Variants in SORCS2 observed in about 807,000 individuals in gnomAD.
The protein encoded by SORCS2 is sortilin related VPS10 domain containing receptor 2, also known as VPS10 domain-containing receptor SorCS2.
A neutral mutation model predicts 141.6 loss-of-function variants in SORCS2; 100 were observed. That is an observed-to-expected ratio of 0.71 (90% CI 0.60 to 0.83). SORCS2 has a LOEUF of 0.83. SORCS2 is among the 40% of genes least tolerant of loss of function. The pLI is 0.00. For synonymous variants in SORCS2, 789 were observed against 676.9 expected, an observed-to-expected ratio of 1.17 and a Z score of -2.57; for missense variants, 1,646 against 1,560.2, an observed-to-expected ratio of 1.05 and a Z score of -0.93.
chr4:7,352,442 G>C (rs1180456859), intron 1 of SORCS2, among the ~76,000 whole-genome samples: 1 of 152,208 alleles, frequency 6.6e-6, no homozygotes, highest in African/African-American at 2.4e-5. Flanking sequence ...CCAATCTCCT[G>C]GATGCCATTT....
At chr4:7,552,526 A>C (rs1302127106) in intron 3 of SORCS2, among the ~76,000 whole-genome samples, 1 of 151,848 alleles carries the variant, frequency 6.6e-6, no homozygotes, top group East Asian at 1.9e-4. Context: ...GCAGAGCATA[A>C]AATAAACAGC....
At chr4:7,267,408 G>A (rs748828903) in intron 1 of SORCS2, among the ~76,000 whole-genome samples, 3 of 152,130 alleles carry the variant, frequency 2.0e-5, no homozygotes, top group Admixed American at 6.5e-5. Flanking sequence ...CGAGTAGGGC[G>A]TCTATTTCCC....
At chr4:7,365,802 T>A (rs1423943759) in intron 1 of SORCS2, among the ~76,000 whole-genome samples, 2 of 152,156 alleles carry the variant, frequency 1.3e-5, no homozygotes, top group African/African-American at 2.4e-5. Flanking sequence ...TTGCTGAGCC[T>A]CCTTGAGAGA....
At chr4:7,372,669 C>T (rs910884715) in intron 1 of SORCS2, among the ~76,000 whole-genome samples, 5 of 152,186 alleles carry the variant, frequency 3.3e-5, no homozygotes, top group East Asian at 3.8e-4. Flanking sequence ...CACTCATGGA[C>T]GCAACACCAC....
intron 1 of SORCS2, among the ~76,000 whole-genome samples, chr4:7,332,670 T>TG (rs1231678057): frequency 1.3e-5 from 2 of 152,194 alleles, no homozygotes; most frequent in Admixed American, 6.5e-5. Context: ...TAGAGGCAGA[T>TG]GGGGAAGTCA....
chr4:7,446,359 C>T (rs537991195), intron 2 of SORCS2, among the ~76,000 whole-genome samples: 38 of 152,288 alleles, frequency 2.5e-4, no homozygotes, highest in African/African-American at 5.1e-4. Context: ...CAGTGGCGTC[C>T]GCAGCATCAG....
At chr4:7,710,889 C>T (rs984348235) in intron 14 of SORCS2, among the ~76,000 whole-genome samples, 1 of 152,224 alleles carries the variant, frequency 6.6e-6, no homozygotes, top group Non-Finnish European at 1.5e-5. Context: ...TTCCCCACTC[C>T]TCTGAGAAAG....
chr4:7,420,632 G>C (rs909638323), intron 2 of SORCS2, among the ~76,000 whole-genome samples: 13 of 152,118 alleles, frequency 8.5e-5, no homozygotes, highest in African/African-American at 3.1e-4. Flanking sequence ...CACCTTGCCT[G>C]CTTGTCCTCT....
intron 1 of SORCS2, among the ~76,000 whole-genome samples, chr4:7,263,965 G>A (rs890271014): frequency 2.0e-5 from 3 of 152,148 alleles, no homozygotes; most frequent in African/African-American, 4.8e-5. Context: ...TTCACTCACT[G>A]ACTCATTCAT....
intron 1 of SORCS2, among the ~76,000 whole-genome samples, chr4:7,342,372 C>G (rs1170425398): frequency 6.6e-6 from 1 of 152,268 alleles, no homozygotes; most frequent in Non-Finnish European, 1.5e-5. Context: ...CTGCCGCCAT[C>G]TTGCCCTTCT....
Position 7,685,688 on chromosome 4 carries a change from A to AATAT in SORCS2, c.1488+2810_1488+2813dup, listed in dbSNP as rs5855976. ...TCCACCTCAAAAATTAAAATAAATA[A>AATAT]ATATATATATATATGACAGCCGTAT... On this transcript the variant is annotated intron_variant, in intron 10 of 26. Transcript: ENST00000507866. Among the ~76,000 whole-genome samples, 121 of 149,698 alleles carry AATAT rather than the reference A, an allele frequency of 8.1e-4. No individual in the cohort carries two copies. In the East Asian group the frequency reaches 9.5e-3, roughly 12 times the overall value.
chr4:7,411,648 C>T (rs780205874), intron 2 of SORCS2, among the ~76,000 whole-genome samples: 1 of 152,144 alleles, frequency 6.6e-6, no homozygotes, highest in African/African-American at 2.4e-5. Context: ...TTCCTCCCTC[C>T]ATCCATTTAG....
chr4:7,402,189 CAT>C (rs1205460070), intron 2 of SORCS2, among the ~76,000 whole-genome samples: 1 of 152,136 alleles, frequency 6.6e-6, no homozygotes, highest in African/African-American at 2.4e-5. Flanking sequence ...CAACTTTTTC[CAT>C]ATATGTTTGG....
chr4:7,730,790 C>T (rs574565204), intron 23 of SORCS2, among the ~76,000 whole-genome samples: 32 of 152,274 alleles, frequency 2.1e-4, no homozygotes, highest in African/African-American at 6.0e-4. Context: ...AGGATGAAAA[C>T]GTGCAGGAAT....
intron 3 of SORCS2, among the ~76,000 whole-genome samples, chr4:7,536,612 C>T (rs1348585995): frequency 6.6e-6 from 1 of 152,110 alleles, no homozygotes; most frequent in Non-Finnish European, 1.5e-5. Context: ...CCGTGCACGG[C>T]CCCTGGCACT....
intron 2 of SORCS2, among the ~76,000 whole-genome samples, chr4:7,416,676 ACACT>A (rs1725700896): frequency 6.6e-6 from 1 of 151,800 alleles, no homozygotes; most frequent in Non-Finnish European, 1.5e-5. Flanking sequence ...ACTTGTGTGC[ACACT>A]CAGACACGCA....
At chr4:7,275,456 GTCTGC>G (rs1305134669) in intron 1 of SORCS2, among the ~76,000 whole-genome samples, 2 of 152,300 alleles carry the variant, frequency 1.3e-5, no homozygotes, top group African/African-American at 4.8e-5. Flanking sequence ...AATCACCCGT[GTCTGC>G]TCTGCGATGT....
intron 1 of SORCS2, among the ~76,000 whole-genome samples, chr4:7,352,190 C>A (rs1430589247): frequency 6.6e-6 from 1 of 152,230 alleles, no homozygotes; most frequent in Non-Finnish European, 1.5e-5. Context: ...GTGTTCTCTG[C>A]AGCTCTGCCT....
At chr4:7,487,676 G>A (rs1368879295) in intron 2 of SORCS2, among the ~76,000 whole-genome samples, 4 of 152,294 alleles carry the variant, frequency 2.6e-5, no homozygotes, top group South Asian at 4.1e-4. Context: ...GTGATAGACG[G>A]GGCCTCTTCT....
Sources: gnomAD v4.1 joint callset for allele counts (sites outside exome capture counted in the v4.1 genomes callset) on GRCh38, gnomAD v4.1.1 for gene constraint, MANE v1.5 for transcripts, NCBI Gene and HGNC (gene_info 2026-07-23, HGNC 2026-07-21) for gene names.